SMAD6: variants seen among roughly 807,000 people sequenced by gnomAD.
SMAD6 encodes SMAD family member 6, also known as MAD homolog 6.
A neutral mutation model predicts 39.4 loss-of-function variants in SMAD6; 103 were observed. That is an observed-to-expected ratio of 2.62 (90% CI 2.23 to 3.08). SMAD6 has a LOEUF of 3.08. Among genes scored for constraint, SMAD6 ranks in the 30% most tolerant of loss-of-function variants. The pLI is 0.00. For synonymous variants in SMAD6, 445 were observed against 353.3 expected, an observed-to-expected ratio of 1.26 and a Z score of -2.91; for missense variants, 1,104 against 742.9, an observed-to-expected ratio of 1.49 and a Z score of -5.65.
chr15:66,703,009 T>G lies in SMAD6; in HGVS notation c.-250T>G. On this transcript the variant is annotated 5_prime_UTR_variant, in exon 1 of 4. An upstream start codon of the reference 5' UTR is lost. Transcript: ENST00000288840. ...TGAGCAGCCCCGCCGCTGTGGTCCATGTAGCCGCTGGCCGCGCGCGGACTG... is the reference window on the plus strand; with the variant it reads ...TGAGCAGCCCCGCCGCTGTGGTCCAGGTAGCCGCTGGCCGCGCGCGGACTG... 2.8e-6 allele frequency: 1 copy of G among 353,164 alleles called. No homozygotes were observed. Among genetic ancestry groups the G allele is most frequent in the Non-Finnish European group, 5.2e-6 (1 of 190,528 alleles). The allele number at this position is 353,164 out of a possible 1,614,324, so 21.9% of individuals were successfully genotyped here.
intron 3 of SMAD6, among the ~76,000 whole-genome samples, chr15:66,773,484 C>T (rs1894413524): frequency 1.3e-5 from 2 of 152,182 alleles, no homozygotes; most frequent in African/African-American, 4.8e-5. Context: ...CTTAAAATGA[C>T]AAAGGAGAGT....
intron 3 of SMAD6, among the ~76,000 whole-genome samples, chr15:66,729,085 C>A (rs1191629928): frequency 1.3e-5 from 2 of 152,180 alleles, no homozygotes; most frequent in East Asian, 3.9e-4. Flanking sequence ...CTGAGAGGGG[C>A]AGTGCCTGTG....
chr15:66,755,079 T>C (rs1894073773), intron 3 of SMAD6, among the ~76,000 whole-genome samples: 1 of 152,222 alleles, frequency 6.6e-6, no homozygotes, highest in Non-Finnish European at 1.5e-5. Flanking sequence ...TTGTTTTTTT[T>C]CTAGAAACTA....
chr15:66,762,296 G>A (rs1177704768), intron 3 of SMAD6, among the ~76,000 whole-genome samples: 5 of 152,160 alleles, frequency 3.3e-5, no homozygotes, highest in African/African-American at 9.7e-5. Flanking sequence ...GTATGCCTGC[G>A]TGGGTGCATC....
intron 3 of SMAD6, among the ~76,000 whole-genome samples, chr15:66,759,758 T>C (rs1894166381): frequency 6.6e-6 from 1 of 152,240 alleles, no homozygotes; most frequent in Non-Finnish European, 1.5e-5. Flanking sequence ...ACTTGTAGAA[T>C]CCACTTGTCT....
chr15:66,748,742 C>T (rs1893949324), intron 3 of SMAD6, among the ~76,000 whole-genome samples: 1 of 152,150 alleles, frequency 6.6e-6, no homozygotes. Flanking sequence ...CCTGCTGTTC[C>T]CTAACTTGCT....
In SMAD6 at chr15:66,781,300, C is replaced by T. The variant is rs145093897; in HGVS notation, c.1256C>T (p.Ala419Val). Reference protein sequence around the residue: ...PIFVNSPTLDAPGGRALVVRK... With the variant: ...PIFVNSPTLDVPGGRALVVRK... ...TTCGTCAACTCCCCGACGCTGGACGCGCCCGGCGGCCGCGCCCTGGTCGTG... is the reference window on the plus strand; with the variant it reads ...TTCGTCAACTCCCCGACGCTGGACGTGCCCGGCGGCCGCGCCCTGGTCGTG... Residue 419 changes from alanine (A) to valine (V), a missense_variant, in exon 4 of 4, where the codon GCG (alanine) becomes GTG (valine). Ala to Val is a moderately conservative substitution (Grantham distance 64). Transcript: ENST00000288840. The T allele has an allele frequency of 2.1e-4, 340 of 1,603,162 alleles. 2 individuals carry two copies. In the East Asian group the frequency reaches 5.1e-3, roughly 24 times the overall value.
At position 66,764,506 on chromosome 15, in the gene SMAD6, G is replaced by A. The variant is rs1321979353; in HGVS notation, c.953-16491G>A. Among the ~76,000 whole-genome samples, 6 of 152,200 alleles carry A rather than the reference G, an allele frequency of 3.9e-5. No individual in the cohort carries two copies. In the South Asian group the frequency reaches 1.0e-3, roughly 26 times the overall value. ...AGAGTATATGAAGATATGGGGCCAAGTCATCTGTCTTGTCACATCAAAAGC... is the reference window on the plus strand; with the variant it reads ...AGAGTATATGAAGATATGGGGCCAAATCATCTGTCTTGTCACATCAAAAGC... On this transcript the variant is annotated intron_variant, in intron 3 of 3. Transcript: ENST00000288840.
At chr15:66,771,085 C>T (rs780408347) in intron 3 of SMAD6, among the ~76,000 whole-genome samples, 14 of 152,118 alleles carry the variant, frequency 9.2e-5, no homozygotes, top group South Asian at 2.1e-4. Flanking sequence ...ACAGTCTTAG[C>T]GGGTGGGAGA....
chr15:66,743,575 C>T (rs1893853009), intron 3 of SMAD6, among the ~76,000 whole-genome samples: 1 of 105,148 alleles, frequency 9.5e-6, no homozygotes, highest in Non-Finnish European at 2.1e-5. Flanking sequence ...TTTCCTCTTT[C>T]CTTTTTTTTT....
intron 3 of SMAD6, among the ~76,000 whole-genome samples, chr15:66,733,493 A>G (rs1041032244): frequency 3.3e-5 from 5 of 152,220 alleles, no homozygotes; most frequent in African/African-American, 1.2e-4. Context: ...TTTTCAACAC[A>G]CAGATCTTGC....
At chr15:66,758,308 A>T (rs1264425230) in intron 3 of SMAD6, among the ~76,000 whole-genome samples, 2 of 152,368 alleles carry the variant, frequency 1.3e-5, no homozygotes, top group East Asian at 1.9e-4. Context: ...TTGAGAGGGA[A>T]TTCCAAAGCT....
chr15:66,735,778 C>A (rs935654992), intron 3 of SMAD6, among the ~76,000 whole-genome samples: 1 of 152,152 alleles, frequency 6.6e-6, no homozygotes, highest in Non-Finnish European at 1.5e-5. Context: ...TGTAGGCAGA[C>A]AAGCAGGCAC....
chr15:66,781,502 C>A lies in SMAD6; in HGVS notation c.1458C>A (p.Cys486Ter). ...YSRQFITSCP[C>*]WLEILLNNPR ...GGCAGTTCATCACCTCCTGCCCCTG[C>A]TGGCTGGAGATCCTCCTCAACAACC... Residue 486 changes from cysteine to a stop codon, truncating the protein, a stop_gained, in exon 4 of 4, where the codon TGC becomes TGA. Coordinates refer to ENST00000288840, the MANE Select transcript of SMAD6 (RefSeq NM_005585.5). LOFTEE classifies it high-confidence loss of function. The A allele has an allele frequency of 1.9e-6, 3 of 1,558,900 alleles. No individual in the cohort carries two copies. The highest frequency in any genetic ancestry group is 2.6e-6 in the Non-Finnish European group (3 of 1,156,020).
At position 66,703,936 on chromosome 15, in the gene SMAD6, CG is replaced by C; in HGVS notation, c.680del (p.Gly227AlafsTer15). The C allele has an allele frequency of 1.5e-6, 2 of 1,376,334 alleles. No individual in the cohort carries two copies. Among genetic ancestry groups the C allele is most frequent in the Non-Finnish European group, 1.9e-6 (2 of 1,063,142 alleles). The allele number at this position is 1,376,334 out of a possible 1,614,324, so 85.3% of individuals were successfully genotyped here. On this transcript the variant is annotated frameshift_variant, in exon 1 of 4. Coordinates refer to ENST00000288840, the MANE Select transcript of SMAD6 (RefSeq NM_005585.5). LOFTEE classifies it high-confidence loss of function. Reference protein sequence around the residue: ...GQPAPPQLLLGRLFRWPDLQH... With the variant: ...GQPAPPQLLLXRLFRWPDLQH... ...AGCCCGCGCCGCCGCAGCTGCTGCT[CG>C]GCCGCCTCTTTCGCTGGCCCGACCT...
chr15:66,709,190 A>T (rs759622391), intron 1 of SMAD6, among the ~76,000 whole-genome samples: 1 of 152,196 alleles, frequency 6.6e-6, no homozygotes, highest in Non-Finnish European at 1.5e-5. Context: ...GAATTTAGTG[A>T]TTAGCTTTCA....
chr15:66,732,645 A>C (rs1395120428), intron 3 of SMAD6, among the ~76,000 whole-genome samples: 1 of 152,138 alleles, frequency 6.6e-6, no homozygotes, highest in African/African-American at 2.4e-5. Context: ...TGCAGGTGTG[A>C]GCCATCTCAC....
intron 2 of SMAD6, among the ~76,000 whole-genome samples, chr15:66,715,852 G>A (rs1181262061): frequency 6.6e-6 from 1 of 151,988 alleles, no homozygotes; most frequent in African/African-American, 2.4e-5. Context: ...GTTAGGGAGT[G>A]GGGGAGGGGA....
chr15:66,748,397 A>C (rs912309401), intron 3 of SMAD6, among the ~76,000 whole-genome samples: 1 of 152,202 alleles, frequency 6.6e-6, no homozygotes, highest in Non-Finnish European at 1.5e-5. Flanking sequence ...GTTACCACGC[A>C]CATAATGAAC....
Sources: allele counts gnomAD v4.1 joint callset (sites outside exome capture counted in the v4.1 genomes callset), GRCh38; gene constraint gnomAD v4.1.1; transcripts MANE v1.5; gene names NCBI Gene and HGNC (gene_info 2026-07-23, HGNC 2026-07-21).